Variants in B3GALT1 observed in about 807,000 individuals in gnomAD.
B3GALT1 encodes beta-1,3-galactosyltransferase 1.
In B3GALT1, 10 loss-of-function variants were observed where a neutral mutation model predicts 23.2. That is an observed-to-expected ratio of 0.43 (90% CI 0.27 to 0.73). B3GALT1 has a LOEUF of 0.73. Among genes scored for constraint, B3GALT1 ranks in the 30% least tolerant of loss-of-function variants. The pLI, the probability that B3GALT1 is intolerant of heterozygous loss-of-function variation, is 0.21. For synonymous variants in B3GALT1, 156 were observed against 141.5 expected (o/e 1.10, Z -0.73); for missense variants, 299 against 405.4 (o/e 0.74, Z 2.25).
chr2:167,309,021 A>G (rs1055344523), intron 1 of B3GALT1, among the ~76,000 whole-genome samples: 5 of 152,044 alleles, frequency 3.3e-5, no homozygotes, highest in Non-Finnish European at 7.4e-5. Context: ...ATATTCAGTA[A>G]TACCTGGCTT....
chr2:167,578,245 A>C (rs75696497), intron 2 of B3GALT1, among the ~76,000 whole-genome samples: 2 of 151,990 alleles, frequency 1.3e-5, no homozygotes, highest in Non-Finnish European at 2.9e-5. Flanking sequence ...GACATACCCA[A>C]ATCATTTCAA....
At chr2:167,505,525 G>A (rs964575864) in intron 2 of B3GALT1, among the ~76,000 whole-genome samples, 2 of 152,062 alleles carry the variant, frequency 1.3e-5, no homozygotes, top group Middle Eastern at 3.2e-3. Flanking sequence ...AAGACTCTAA[G>A]GAACAGGTAA....
rs192510449 is a variant in B3GALT1 at position 167,423,442 on chromosome 2, C to T, written c.-510-66735C>T. 8.5e-5 allele frequency among the ~76,000 whole-genome samples: 13 copies of T among 152,216 alleles called. No individual in the cohort carries two copies. The East Asian group carries it at 2.1e-3, about 25-fold the overall frequency. ...AGAAAGAATCTGTGGACTTTCTACTCGCAATCCACCAGGACCGATCTATGC... is the reference window on the plus strand; with the variant it reads ...AGAAAGAATCTGTGGACTTTCTACTTGCAATCCACCAGGACCGATCTATGC... On this transcript the variant is annotated intron_variant, in intron 1 of 4. Coordinates refer to ENST00000392690, the MANE Select transcript of B3GALT1 (RefSeq NM_020981.4).
intron 1 of B3GALT1, among the ~76,000 whole-genome samples, chr2:167,323,299 G>T (rs1296590409): frequency 6.6e-6 from 1 of 151,986 alleles, no homozygotes; most frequent in Non-Finnish European, 1.5e-5. Context: ...TTCATTTTAG[G>T]TGATATCCTA....
At chr2:167,522,881 T>C (rs184246458) in intron 2 of B3GALT1, among the ~76,000 whole-genome samples, 55 of 152,190 alleles carry the variant, frequency 3.6e-4, no homozygotes, top group African/African-American at 1.2e-3. Flanking sequence ...TAGATTCCTA[T>C]AGGATGTACA....
intron 3 of B3GALT1, among the ~76,000 whole-genome samples, chr2:167,656,886 G>C (rs993404903): frequency 6.6e-6 from 1 of 152,020 alleles, no homozygotes; most frequent in Non-Finnish European, 1.5e-5. Context: ...GAGAAATAAT[G>C]GTATTCAACA....
intron 3 of B3GALT1, among the ~76,000 whole-genome samples, chr2:167,660,458 T>G (rs1028651860): frequency 3.3e-5 from 5 of 152,106 alleles, no homozygotes; most frequent in Non-Finnish European, 5.9e-5. Context: ...TCTCTAAGAT[T>G]GCAAAGGTAC....
At chr2:167,464,630 ACT>A (rs1699317314) in intron 1 of B3GALT1, among the ~76,000 whole-genome samples, 1 of 152,102 alleles carries the variant, frequency 6.6e-6, no homozygotes, top group Non-Finnish European at 1.5e-5. Context: ...TAGATTAAAA[ACT>A]CAGCTTTTCT....
intron 4 of B3GALT1, among the ~76,000 whole-genome samples, chr2:167,835,997 A>G (rs1463160043): frequency 6.6e-6 from 1 of 152,190 alleles, no homozygotes; most frequent in Admixed American, 6.5e-5. Flanking sequence ...AAAACTAACA[A>G]ACAGAAAGGA....
chr2:167,791,556 AT>A (rs1415703464), intron 3 of B3GALT1, among the ~76,000 whole-genome samples: 2 of 152,152 alleles, frequency 1.3e-5, no homozygotes, highest in Non-Finnish European at 2.9e-5. Flanking sequence ...TTGCTATAGA[AT>A]TTTATTTCCT....
At chr2:167,662,559 G>C (rs969881090) in intron 3 of B3GALT1, among the ~76,000 whole-genome samples, 1 of 152,046 alleles carries the variant, frequency 6.6e-6, no homozygotes, top group African/African-American at 2.4e-5. Flanking sequence ...TATAATAGCC[G>C]ATTTACTACC....
chr2:167,469,119 C>T (rs1211130707), intron 1 of B3GALT1, among the ~76,000 whole-genome samples: 1 of 152,162 alleles, frequency 6.6e-6, no homozygotes. Flanking sequence ...AGAATTGTAG[C>T]AATCAAATAT....
At chr2:167,381,248 A>G (rs1697843970) in intron 1 of B3GALT1, among the ~76,000 whole-genome samples, 7 of 151,918 alleles carry the variant, frequency 4.6e-5, no homozygotes, top group Admixed American at 4.6e-4. Context: ...TTTTTCAGAG[A>G]TGGAGTCTCA....
At chr2:167,471,840 T>A (rs1699421770) in intron 1 of B3GALT1, among the ~76,000 whole-genome samples, 1 of 152,192 alleles carries the variant, frequency 6.6e-6, no homozygotes, top group Non-Finnish European at 1.5e-5. Context: ...GGGCTTTTTT[T>A]AGTGGTTGCT....
intron 2 of B3GALT1, among the ~76,000 whole-genome samples, chr2:167,611,809 C>G (rs948582657): frequency 6.6e-6 from 1 of 151,722 alleles, no homozygotes; most frequent in African/African-American, 2.4e-5. Context: ...TACTTTTGGC[C>G]TTAAGGATGA....
At chr2:167,792,958 T>C (rs980363687) in intron 3 of B3GALT1, among the ~76,000 whole-genome samples, 3 of 152,056 alleles carry the variant, frequency 2.0e-5, no homozygotes, top group African/African-American at 7.2e-5. Flanking sequence ...TATGTGGTTC[T>C]GGGAGAATAG....
intron 4 of B3GALT1, among the ~76,000 whole-genome samples, chr2:167,853,715 T>C (rs1187430062): frequency 2.0e-5 from 3 of 152,164 alleles, no homozygotes; most frequent in Non-Finnish European, 4.4e-5. Context: ...CACATGTATG[T>C]TGGCACATGT....
At chr2:167,574,471 G>A (rs1289075640) in intron 2 of B3GALT1, among the ~76,000 whole-genome samples, 3 of 151,600 alleles carry the variant, frequency 2.0e-5, no homozygotes, top group Non-Finnish European at 3.0e-5. Context: ...CATGAGGATC[G>A]CCCAGTTGAT....
At chr2:167,390,371 T>C (rs1339231449) in intron 1 of B3GALT1, among the ~76,000 whole-genome samples, 1 of 152,180 alleles carries the variant, frequency 6.6e-6, no homozygotes, top group Non-Finnish European at 1.5e-5. Context: ...GAATTTACTT[T>C]TCTCCTCCCC....
Sources: gnomAD v4.1 joint callset for allele counts (sites outside exome capture counted in the v4.1 genomes callset) on GRCh38, gnomAD v4.1.1 for gene constraint, MANE v1.5 for transcripts, NCBI Gene and HGNC (gene_info 2026-07-23, HGNC 2026-07-21) for gene names.